The following NPHP1 variants were observed in gnomAD, a reference collection of about 807,000 sequenced individuals.
The protein encoded by NPHP1 is nephrocystin 1.
A neutral mutation model predicts 90.4 loss-of-function variants in NPHP1; 70 were observed. The ratio of observed to expected loss-of-function variants is 0.77; its 90% CI spans 0.64 to 0.95. NPHP1 has a LOEUF of 0.95. Ranked by LOEUF, NPHP1 falls within the 40% of genes least tolerant of loss-of-function variation. The pLI is 0.00. For missense variants in NPHP1, 764 were observed against 795.9 expected (o/e 0.96, Z 0.48); for synonymous variants, 256 against 271.7 (o/e 0.94, Z 0.57).
intron 11 of NPHP1, among the ~76,000 whole-genome samples, chr2:110,157,599 G>C (rs1292922092): frequency 6.6e-6 from 1 of 152,030 alleles, no homozygotes; most frequent in Non-Finnish European, 1.5e-5. Flanking sequence ...CATCCATCCA[G>C]ATGCGGAAGT....
In NPHP1 at chr2:110,202,413, G is replaced by A. The variant is rs753280266; in HGVS notation, c.70-919C>T. ...GTCATCACAGGCCTGACTCAGAGGG[G>A]CTGTTGATTACTTGTCCTACAGACA... On this transcript the variant is annotated intron_variant, in intron 1 of 19. Coordinates refer to ENST00000445609, the MANE Select transcript of NPHP1 (RefSeq NM_001128178.3). The A allele has an allele frequency of 3.7e-5, 17 of 454,216 alleles. 1 individual carries two copies. Among genetic ancestry groups the A allele is most frequent in the South Asian group, 2.7e-4 (17 of 64,138 alleles). 28.1% of individuals were successfully genotyped at this position (454,216 alleles called of 1,614,324 possible). A position where few individuals can be genotyped will look rare whatever the true frequency, so the allele number is the denominator to read the frequency against.
At chr2:110,148,526 G>C (rs549186300) in intron 12 of NPHP1, among the ~76,000 whole-genome samples, 2 of 152,078 alleles carry the variant, frequency 1.3e-5, no homozygotes, top group Non-Finnish European at 2.9e-5. Context: ...TTATGCCTTT[G>C]CATTATAATA....
chr2:110,174,139 A>G (rs565750069), intron 4 of NPHP1, among the ~76,000 whole-genome samples: 8 of 152,200 alleles, frequency 5.3e-5, no homozygotes, highest in African/African-American at 1.7e-4. Context: ...ACTAAAGTCT[A>G]TCTCTTCTAA....
chr2:110,191,497 CAA>C (rs1684734958), intron 2 of NPHP1, among the ~76,000 whole-genome samples: 1 of 152,212 alleles, frequency 6.6e-6, no homozygotes, highest in Non-Finnish European at 1.5e-5. Context: ...AGTAGGTAAA[CAA>C]AGCAGCCTGG....
rs1553484063 is a variant in NPHP1, at chr2:110,144,486, G to A, written c.1429+7C>T. ...AAGGAAAGGAAGACAACACATGAGA[G>A]CCATACCTCTTCTGGATATTGAAGG... On this transcript the variant is annotated splice_region_variant and intron_variant, in intron 15 of 19. Transcript: ENST00000445609. The A allele has an allele frequency of 6.4e-7, 1 of 1,571,648 alleles. No individual in the cohort carries two copies. Among genetic ancestry groups the A allele is most frequent in the South Asian group, 1.1e-5 (1 of 90,248 alleles).
intron 19 of NPHP1, chr2:110,125,141 C>A: frequency 6.6e-7 from 1 of 1,504,600 alleles, no homozygotes; most frequent in Non-Finnish European, 8.8e-7. Flanking sequence ...ATCTATAGCC[C>A]TTCCCATTTG....
In NPHP1 at chr2:110,178,439, T is replaced by G; in HGVS notation, c.313A>C (p.Arg105=). The change falls in exon 4 of 20, where the codon AGA becomes CGA. Residue 105 remains arginine (R), a synonymous_variant. Transcript: ENST00000445609. ...GAAGCATACTCAGTTATATTTTCTC[T>G]GCTTATTGTCACAGCAAGGCCCTGC... The part of the protein sequence containing the change: ...QLQGLAVTIS[R]ENITEVGAPT... The G allele has an allele frequency of 6.2e-7, 1 of 1,613,936 alleles. No individual in the cohort carries two copies. The highest frequency in any genetic ancestry group is 8.5e-7 in the Non-Finnish European group (1 of 1,179,894).
chr2:110,180,448 C>CTTTTTTTTTTTTTT (rs3086121), intron 2 of NPHP1, among the ~76,000 whole-genome samples: 15 of 80,912 alleles, frequency 1.9e-4, no homozygotes, highest in East Asian at 4.3e-4. Context: ...CCGTTTGAGT[C>CTTTTTTTTTTTTTT]TTTTTTTTTT....
At chr2:110,191,742 C>G (rs1684759615) in intron 2 of NPHP1, among the ~76,000 whole-genome samples, 1 of 152,180 alleles carries the variant, frequency 6.6e-6, no homozygotes, top group African/African-American at 2.4e-5. Flanking sequence ...AGTAGCCTAA[C>G]TGGGAGGCAC....
At chr2:110,186,846 A>G (rs527780370) in intron 2 of NPHP1, among the ~76,000 whole-genome samples, 20 of 152,212 alleles carry the variant, frequency 1.3e-4, no homozygotes, top group African/African-American at 3.6e-4. Context: ...ACATTTAAAA[A>G]AAAGAAAGAA....
At chr2:110,124,142 A>C in intron 19 of NPHP1, 79 bp from the exon 20 acceptor site, 1 of 1,540,188 alleles carries the variant, frequency 6.5e-7, no homozygotes, top group Non-Finnish European at 9.0e-7. Flanking sequence ...ACTAAAAGCC[A>C]CCTAAGAGGT....
intron 17 of NPHP1, among the ~76,000 whole-genome samples, chr2:110,130,064 C>T (rs1679672716): frequency 6.6e-6 from 1 of 152,164 alleles, no homozygotes. Flanking sequence ...CATCACGTGG[C>T]TGAAGGCAAA....
chr2:110,187,766 A>G (rs907970922), intron 2 of NPHP1, among the ~76,000 whole-genome samples: 1 of 152,134 alleles, frequency 6.6e-6, no homozygotes, highest in African/African-American at 2.4e-5. Flanking sequence ...AAAAATCCGC[A>G]ACAAAATACT....
At chr2:110,201,159 C>G (rs1685550888) in intron 2 of NPHP1, among the ~76,000 whole-genome samples, 1 of 152,108 alleles carries the variant, frequency 6.6e-6, no homozygotes, top group Non-Finnish European at 1.5e-5. Flanking sequence ...CTGACCAGGT[C>G]ACAGGATCTG....
intron 5 of NPHP1, among the ~76,000 whole-genome samples, chr2:110,168,930 G>A (rs994061939): frequency 6.6e-6 from 1 of 151,986 alleles, no homozygotes; most frequent in Non-Finnish European, 1.5e-5. Flanking sequence ...TTCAGAAGCA[G>A]CATATAAATT....
At chr2:110,175,219 A>T (rs1399986428) in intron 4 of NPHP1, among the ~76,000 whole-genome samples, 1 of 152,116 alleles carries the variant, frequency 6.6e-6, no homozygotes. Flanking sequence ...ATCCCCAAAT[A>T]TATATTTTGC....
intron 11 of NPHP1, among the ~76,000 whole-genome samples, chr2:110,157,898 C>A (rs1300561638): frequency 6.6e-6 from 1 of 152,190 alleles, no homozygotes; most frequent in Non-Finnish European, 1.5e-5. Flanking sequence ...GGAGCTTTGA[C>A]TGTAGATTTG....
chr2:110,138,642 G>A (rs189845983), intron 16 of NPHP1, among the ~76,000 whole-genome samples: 15 of 152,180 alleles, frequency 9.9e-5, no homozygotes, highest in Admixed American at 2.6e-4. Context: ...CATGAGCAAG[G>A]GGCAGAACGA....
chr2:110,148,619 T>G (rs1681242663), intron 12 of NPHP1, among the ~76,000 whole-genome samples: 2 of 152,174 alleles, frequency 1.3e-5, no homozygotes, highest in Admixed American at 6.5e-5. Context: ...TTAACTTCAC[T>G]TTTAAAGGGA....
Sources: gnomAD v4.1 joint callset for allele counts (sites outside exome capture counted in the v4.1 genomes callset) on GRCh38, gnomAD v4.1.1 for gene constraint, MANE v1.5 for transcripts, NCBI Gene and HGNC (gene_info 2026-07-23, HGNC 2026-07-21) for gene names.